The following PPP2CA variants were observed in gnomAD, a reference collection of about 807,000 sequenced individuals.
PPP2CA encodes the protein protein phosphatase 2 catalytic subunit alpha.
Under a neutral mutation model 38.8 loss-of-function variants are expected in PPP2CA, and 5 were observed. The ratio of observed to expected loss-of-function variants is 0.13; its 90% CI spans 0.07 to 0.27. The LOEUF is 0.27. Ranked by LOEUF, PPP2CA falls within the 10% of genes least tolerant of loss-of-function variation. The pLI, the probability that PPP2CA is intolerant of heterozygous loss-of-function variation, is 1.00. For synonymous variants in PPP2CA, 152 were observed against 134.0 expected (o/e 1.13, Z -0.93); for missense variants, 88 against 389.7 (o/e 0.23, Z 6.52).
chr5:134,201,160 C>T lies in PPP2CA; in HGVS notation c.487-86G>A. 5.8e-6 allele frequency: 6 copies of T among 1,037,326 alleles called. No individual in the cohort carries two copies. The South Asian group carries it at 8.3e-5, about 14-fold the overall frequency. The allele number at this position is 1,037,326 out of a possible 1,614,324, so 64.3% of individuals were successfully genotyped here. A position where few individuals can be genotyped will look rare whatever the true frequency, so the allele number is the denominator to read the frequency against. Reference sequence around the variant, plus strand: ...GGCACAGTGGCTCATGCCTGTAACCCCAGCACTTTGGGAAGCTGAGGCAGG... The same window carrying T: ...GGCACAGTGGCTCATGCCTGTAACCTCAGCACTTTGGGAAGCTGAGGCAGG... On this transcript the variant is annotated intron_variant, in intron 3 of 6. Transcript: ENST00000481195.
At chr5:134,200,870 C>G (rs1761955185) in intron 4 of PPP2CA, 115 bp downstream of exon 4, 1 of 858,006 alleles carries the variant, frequency 1.2e-6, no homozygotes, top group Non-Finnish European at 1.8e-6. Flanking sequence ...AGAGTGCTCA[C>G]ACCTCAAGTT....
intron 1 of PPP2CA, among the ~76,000 whole-genome samples, chr5:134,206,956 C>T (rs1480253048): frequency 6.6e-6 from 1 of 152,146 alleles, no homozygotes; most frequent in Non-Finnish European, 1.5e-5. Flanking sequence ...TGTTAAGTGT[C>T]ACAAAGGAAA....
At chr5:134,225,615 C>T (rs1762556787) in intron 1 of PPP2CA, 145 bp downstream of exon 1, 1 of 630,576 alleles carries the variant, frequency 1.6e-6, no homozygotes, top group South Asian at 2.4e-5. Context: ...GTTAGGAAGC[C>T]GCCGCCGGCC....
chr5:134,204,839 T>C (rs1762044004), intron 2 of PPP2CA, among the ~76,000 whole-genome samples: 1 of 152,212 alleles, frequency 6.6e-6, no homozygotes, highest in South Asian at 2.1e-4. Flanking sequence ...ATACATAATG[T>C]ATGTAATGTA....
chr5:134,201,095 G>A, intron 3 of PPP2CA, 21 bp from the exon 4 acceptor site: 3 of 1,568,208 alleles, frequency 1.9e-6, no homozygotes, highest in South Asian at 1.1e-5. Context: ...TGGTTTAAAA[G>A]GTTAACCTCA....
chr5:134,214,710 C>G (rs1762280959), intron 1 of PPP2CA, among the ~76,000 whole-genome samples: 1 of 152,100 alleles, frequency 6.6e-6, no homozygotes, highest in African/African-American at 2.4e-5. Context: ...AGATGATGTT[C>G]TGAAGTATTT....
intron 2 of PPP2CA, chr5:134,202,333 A>G (rs1346956361): frequency 4.3e-6 from 1 of 230,816 alleles, no homozygotes; most frequent in Non-Finnish European, 8.3e-6. Flanking sequence ...TAGTTATGCA[A>G]CAATCACCAC....
chr5:134,198,626 C>T (rs949456256), intron 6 of PPP2CA, among the ~76,000 whole-genome samples: 2 of 152,120 alleles, frequency 1.3e-5, no homozygotes, highest in Non-Finnish European at 2.9e-5. Flanking sequence ...AACGCAGTGG[C>T]GCGATCTTGG....
In PPP2CA at chr5:134,201,037, T is replaced by A; in HGVS notation, c.524A>T (p.Asp175Val). The A allele has an allele frequency of 6.2e-7, 1 of 1,613,264 alleles. No homozygotes were observed. Among genetic ancestry groups the A allele is most frequent in the Non-Finnish European group, 8.5e-7 (1 of 1,179,170 alleles). Residue 175 changes from aspartate to valine, a missense_variant, in exon 4 of 7, where the codon GAT becomes GTT. Physicochemically the swap from Asp to Val is radical, Grantham distance 152. Around this residue, in one of 4 missense-constraint regions of PPP2CA, gnomAD observed 36 missense variants for 259.8 expected, o/e 0.14. Coordinates refer to ENST00000481195, the MANE Select transcript of PPP2CA (RefSeq NM_002715.4). ...AAGTGCTCTGATATGATCCAGTGTA[T>A]CTATAGATGGCGAGAGACCACCATG... ...CLHGGLSPSIDTLDHIRALDR... is the reference protein window; with the variant it reads ...CLHGGLSPSIVTLDHIRALDR...
chr5:134,199,083 T>C lies in PPP2CA; in HGVS notation c.857+3A>G. 1.3e-6 allele frequency: 2 copies of C among 1,596,548 alleles called. No individual in the cohort carries two copies. The highest frequency in any genetic ancestry group is 2.2e-5 in the East Asian group (1 of 44,804). ...AAGAAAATGTTCAGGTAGAATTACT[T>C]ACAAAGAGTATTTTAGAGTATCGTC... On this transcript the variant is annotated splice_donor_region_variant and intron_variant, in intron 6 of 6. Transcript: ENST00000481195.
In PPP2CA at chr5:134,196,983, T is replaced by C. The variant is rs1761865883; in HGVS notation, c.*789A>G. ...GAGAGGTTATGTAGTGCCCTTGATTTTTATTTTACCTACAAGTCTACAAAT... is the reference window on the plus strand; with the variant it reads ...GAGAGGTTATGTAGTGCCCTTGATTCTTATTTTACCTACAAGTCTACAAAT... On this transcript the variant is annotated 3_prime_UTR_variant, in exon 7 of 7. Transcript: ENST00000481195. 6.5e-6 allele frequency: 1 copy of C among 152,682 alleles called. No individual in the cohort carries two copies. Among genetic ancestry groups the C allele is most frequent in the Non-Finnish European group, 1.5e-5 (1 of 68,042 alleles). The allele number at this position is 152,682 out of a possible 1,614,324, so 9.5% of individuals were successfully genotyped here. A position where few individuals can be genotyped will look rare whatever the true frequency, so the allele number is the denominator to read the frequency against.
At chr5:134,204,937 A>ATT (rs5871527) in intron 2 of PPP2CA, among the ~76,000 whole-genome samples, 6,711 of 138,668 alleles carry the variant, frequency 0.048, 306 homozygotes, top group African/African-American at 0.1. Flanking sequence ...CTTCCTCGAT[A>ATT]TTTTTTTTTT....
chr5:134,224,815 ATTAT>A lies in PPP2CA; in HGVS notation c.102+941_102+944del, dbSNP rs1255415855. Reference sequence around the variant, plus strand: ...ATTCTATTTTCAGTGTATGTGAGACATTATTTAAACACTAAGCACAATGTCTGGA... The same window carrying A: ...ATTCTATTTTCAGTGTATGTGAGACATTAAACACTAAGCACAATGTCTGGA... On this transcript the variant is annotated intron_variant, in intron 1 of 6. Coordinates refer to ENST00000481195, the MANE Select transcript of PPP2CA (RefSeq NM_002715.4). Among the ~76,000 whole-genome samples the A allele has an allele frequency of 2.0e-5, 3 of 152,374 alleles. No homozygotes were observed. The East Asian group carries it at 5.8e-4, about 29-fold the overall frequency.
chr5:134,221,014 T>G (rs1474099791), intron 1 of PPP2CA, among the ~76,000 whole-genome samples: 2 of 152,058 alleles, frequency 1.3e-5, no homozygotes. Context: ...TGAAGTCAAC[T>G]CCAAACTAAC....
rs182267519 is a variant in PPP2CA, at chr5:134,195,936, G to T, written c.*1836C>A. The T allele has an allele frequency of 1.3e-5, 2 of 152,210 alleles. No homozygotes were observed. The highest frequency in any genetic ancestry group is 2.1e-4 in the South Asian group (1 of 4,824). 9.4% of individuals were successfully genotyped at this position (152,210 alleles called of 1,614,324 possible). On this transcript the variant is annotated 3_prime_UTR_variant, in exon 7 of 7. Coordinates refer to ENST00000481195, the MANE Select transcript of PPP2CA (RefSeq NM_002715.4). ...TGGTCAATTCTGATATCACAGGACC[G>T]GAAAAAATAGCTGCTTGGTGTCTAG...
At chr5:134,213,378 C>A (rs769042072) in intron 1 of PPP2CA, among the ~76,000 whole-genome samples, 7 of 150,870 alleles carry the variant, frequency 4.6e-5, no homozygotes, top group Non-Finnish European at 7.4e-5. Flanking sequence ...GCACGGTATA[C>A]TGAATATTTT....
rs1761973211 is a variant in PPP2CA at position 134,201,857 on chromosome 5, C to T, written c.477G>A (p.Val159=). 3 of 1,613,448 alleles carry T rather than the reference C, an allele frequency of 1.9e-6. No individual in the cohort carries two copies. The highest frequency in any genetic ancestry group is 2.2e-5 in the East Asian group (1 of 44,850). The change falls in exon 3 of 7, where the codon GTG becomes GTA. Residue 159 remains valine, a synonymous_variant. Coordinates refer to ENST00000481195, the MANE Select transcript of PPP2CA (RefSeq NM_002715.4). ...LFDYLPLTAL[V]DGQIFCLHGG... is the part of the protein sequence containing the mutation. ...TTTTAGATCCACATACCTGCCCATC[C>T]ACCAAGGCAGTGAGAGGAAGATAGT...
At chr5:134,216,022 G>C (rs746840964) in intron 1 of PPP2CA, among the ~76,000 whole-genome samples, 1 of 152,146 alleles carries the variant, frequency 6.6e-6, no homozygotes, top group Non-Finnish European at 1.5e-5. Context: ...AAACACCCAA[G>C]CACTGTTTTT....
At chr5:134,224,401 T>C in intron 1 of PPP2CA, 1 of 409,518 alleles carries the variant, frequency 2.4e-6, no homozygotes, top group Non-Finnish European at 4.8e-6. Context: ...TCTGACTTAC[T>C]TAAATTCCAA....
Sources: allele counts gnomAD v4.1 joint callset (sites outside exome capture counted in the v4.1 genomes callset), GRCh38; gene constraint gnomAD v4.1.1; regional missense constraint gnomAD v4.1.1; transcripts MANE v1.5; gene names NCBI Gene and HGNC (gene_info 2026-07-23, HGNC 2026-07-21).